The following BCAN variants were observed in gnomAD, a reference collection of about 807,000 sequenced individuals.
The protein encoded by BCAN is brevican, also known as brevican core protein.
BCAN carries 51 observed loss-of-function variants against 92.4 expected under a neutral mutation model. That is an observed-to-expected ratio of 0.55 (90% CI 0.44 to 0.70). BCAN has a LOEUF of 0.70. Among genes scored for constraint, BCAN ranks in the 30% least tolerant of loss-of-function variants. The pLI is 0.00. For synonymous variants in BCAN, 501 were observed against 505.2 expected (o/e 0.99, Z 0.11); for missense variants, 1,140 against 1,212.1 (o/e 0.94, Z 0.88).
At position 156,658,973 on chromosome 1, in the gene BCAN, T is replaced by C; in HGVS notation, c.2629-54T>C. On this transcript the variant is annotated intron_variant, in intron 13 of 13. Transcript: ENST00000329117. This position sits in a 1 kb window ranked among gnomAD's most constrained non-coding sequence, Gnocchi z 4.4. The stretch of plus-strand genomic sequence containing the variant: ...AGCAAGAACATCAGAGGGCAGGCTC[T>C]GAGGAGAGGAGAAGGAAGAGCCAGG... 1.3e-6 allele frequency: 2 copies of C among 1,489,110 alleles called. No homozygotes were observed. The highest frequency in any genetic ancestry group is 1.8e-6 in the Non-Finnish European group (2 of 1,090,738). The allele number at this position is 1,489,110 out of a possible 1,614,324, so 92.2% of individuals were successfully genotyped here. A position where few individuals can be genotyped will look rare whatever the true frequency, so the allele number is the denominator to read the frequency against.
At position 156,659,094 on chromosome 1, in the gene BCAN, C is replaced by A; in HGVS notation, c.2696C>A (p.Ala899Glu). 1 of 1,593,906 alleles carries A rather than the reference C, an allele frequency of 6.3e-7. No individual in the cohort carries two copies. Among genetic ancestry groups the A allele is most frequent in the Non-Finnish European group, 8.5e-7 (1 of 1,171,862 alleles). ...RQGRLLGRWK[A>E]LLIPPSSPMP... is the part of the protein sequence containing the mutation. Reference sequence around the variant, plus strand: ...GGGAGGCTACTGGGACGCTGGAAGGCGCTGTTGATCCCCCCTTCCAGCCCC... The same window carrying A: ...GGGAGGCTACTGGGACGCTGGAAGGAGCTGTTGATCCCCCCTTCCAGCCCC... Residue 899 changes from alanine to glutamate, a missense_variant, in exon 14 of 14, where the codon GCG becomes GAG. Physicochemically the swap from Ala to Glu is moderately radical, Grantham distance 107 (BLOSUM62 -1). This residue lies in a region of BCAN where 825 missense variants were observed against 871.8 expected (regional missense o/e 0.95). Coordinates refer to ENST00000329117, the MANE Select transcript of BCAN (RefSeq NM_021948.5).
intron 9 of BCAN, 136 bp downstream of exon 9, chr1:156,656,525 C>A: frequency 1.6e-6 from 1 of 635,586 alleles, no homozygotes; most frequent in Middle Eastern, 2.7e-4. Flanking sequence ...TGCATAACTT[C>A]TTTGAGTCCT....
chr1:156,648,685 G>A lies in BCAN; in HGVS notation c.887G>A (p.Gly296Asp). 6.2e-7 allele frequency: 1 copy of A among 1,613,740 alleles called. No homozygotes were observed. Among genetic ancestry groups the A allele is most frequent in the Non-Finnish European group, 8.5e-7 (1 of 1,179,668 alleles). The change falls in exon 6 of 14, where the codon GGT becomes GAT. Residue 296 changes from glycine (G) to aspartate (D), a missense_variant. By Grantham distance (94) the Gly-to-Asp change is moderately conservative. This residue lies in a region of BCAN where 825 missense variants were observed against 871.8 expected (regional missense o/e 0.95). Coordinates refer to ENST00000329117, the MANE Select transcript of BCAN (RefSeq NM_021948.5). The stretch of plus-strand genomic sequence containing the variant: ...GGCCAACTGTATGCAGCCTGGGATG[G>A]TGGCCTGGACCACTGCAGCCCAGGG... ...TTGQLYAAWD[G>D]GLDHCSPGWL... is the part of the protein sequence containing the mutation.
chr1:156,656,274 CCT>C lies in BCAN; in HGVS notation c.1943-4_1943-3del. The C allele has an allele frequency of 6.8e-7, 1 of 1,475,222 alleles. No individual in the cohort carries two copies. The highest frequency in any genetic ancestry group is 2.9e-5 in the Admixed American group (1 of 34,364). 91.4% of individuals were successfully genotyped at this position (1,475,222 alleles called of 1,614,324 possible). A position where few individuals can be genotyped will look rare whatever the true frequency, so the allele number is the denominator to read the frequency against. ...GCTCCCCCCGCCTCACTTCTTTCCC[CCT>C]CTCAGGTGACTGTGTCCCCAGCCCC... On this transcript the variant is annotated splice_region_variant and splice_polypyrimidine_tract_variant and intron_variant, in intron 8 of 13. Transcript: ENST00000329117.
At chr1:156,643,514 CT>C (rs1678856759) in intron 1 of BCAN, 1 of 152,164 alleles carries the variant, frequency 6.6e-6, no homozygotes, top group Non-Finnish European at 1.5e-5. Context: ...AGTGCTGGAG[CT>C]CAGTTCCTAT....
At chr1:156,657,190 T>C (rs1305515165) in intron 10 of BCAN, 94 bp downstream of exon 10, 11 of 1,457,604 alleles carry the variant, frequency 7.5e-6, no homozygotes, top group Admixed American at 6.1e-5. Context: ...CATGCACTTA[T>C]TCCTTGGTTT....
chr1:156,651,753 G>A, intron 7 of BCAN, 64 bp downstream of exon 7: 1 of 1,432,634 alleles, frequency 7.0e-7, no homozygotes, highest in Non-Finnish European at 9.5e-7. Flanking sequence ...GAAGAGGCAA[G>A]CCCAGGTTGA....
chr1:156,652,058 T>G (rs931312705), intron 7 of BCAN, among the ~76,000 whole-genome samples, 190 bp from the exon 8 acceptor site: 7 of 152,178 alleles, frequency 4.6e-5, no homozygotes, highest in Non-Finnish European at 8.8e-5. Context: ...CCTTCTCAAG[T>G]GTTGCCTCAA....
Position 156,647,768 on chromosome 1 carries a change from G to C in BCAN, c.641+86G>C. Reference sequence around the variant, plus strand: ...CTGCTGGGTGCTGCCTGCTGTGTCAGGCTGGACATGCAGGGCTTTTTGCCT... The same window carrying C: ...CTGCTGGGTGCTGCCTGCTGTGTCACGCTGGACATGCAGGGCTTTTTGCCT... On this transcript the variant is annotated intron_variant, in intron 4 of 13. Coordinates refer to ENST00000329117, the MANE Select transcript of BCAN (RefSeq NM_021948.5). The surrounding 1 kb of genome is among the most constrained non-coding windows in gnomAD (Gnocchi z 4.8). 1 of 1,556,790 alleles carries C rather than the reference G, an allele frequency of 6.4e-7. No homozygotes were observed. The highest frequency in any genetic ancestry group is 8.8e-7 in the Non-Finnish European group (1 of 1,142,300).
At position 156,652,416 on chromosome 1, in the gene BCAN, C is replaced by T. The variant is rs141542995; in HGVS notation, c.1466C>T (p.Pro489Leu). Residue 489 changes from proline to leucine, a missense_variant, in exon 8 of 14, where the codon CCG becomes CTG. Coordinates refer to ENST00000329117, the MANE Select transcript of BCAN (RefSeq NM_021948.5). ...GCATGGCCCAGCGAGCTCAGCAGCCCGGGCCCTGAGGCCTCTCTCCCCACT... is the reference window on the plus strand; with the variant it reads ...GCATGGCCCAGCGAGCTCAGCAGCCTGGGCCCTGAGGCCTCTCTCCCCACT... ...LWAWPSELSS[P>L]GPEASLPTEP... 145 of 1,605,656 alleles carry T rather than the reference C, an allele frequency of 9.0e-5. No homozygotes were observed. The African/African-American group carries it at 1.7e-3, about 19-fold the overall frequency.
In BCAN at chr1:156,646,810, C is replaced by G. The variant is rs187489227; in HGVS notation, c.101C>G (p.Ala34Gly). 1 of 1,564,752 alleles carries G rather than the reference C, an allele frequency of 6.4e-7. No individual in the cohort carries two copies. Among genetic ancestry groups the G allele is most frequent in the African/African-American group, 1.4e-5 (1 of 73,130 alleles). Residue 34 changes from alanine to glycine, a missense_variant, in exon 3 of 14, where the codon GCT (alanine) becomes GGT (glycine). By Grantham distance (60) the Ala-to-Gly change is moderately conservative. This residue lies in a region of BCAN where 286 missense variants were observed against 284.1 expected (regional missense o/e 1.01). Coordinates refer to ENST00000329117, the MANE Select transcript of BCAN (RefSeq NM_021948.5). ...VLEGDSSEDR[A>G]FRVRIAGDAP... ...CTCCACCCGTTCACAGAGGACCGCGCTTTTCGCGTGCGCATCGCGGGCGAC... is the reference window on the plus strand; with the variant it reads ...CTCCACCCGTTCACAGAGGACCGCGGTTTTCGCGTGCGCATCGCGGGCGAC...
At chr1:156,652,107 G>A in intron 7 of BCAN, 141 bp from the exon 8 acceptor site, 1 of 1,142,666 alleles carries the variant, frequency 8.8e-7, no homozygotes, top group African/African-American at 1.6e-5. Flanking sequence ...TGTGGCGCAA[G>A]GACCACCTGT....
chr1:156,657,235 TCC>T, intron 10 of BCAN, 139 bp downstream of exon 10: 1 of 1,115,910 alleles, frequency 9.0e-7, no homozygotes, highest in South Asian at 1.6e-5. Flanking sequence ...ATTCGTTCAC[TCC>T]CCTTCTCATT....
chr1:156,657,696 G>A lies in BCAN; in HGVS notation c.2231G>A (p.Trp744Ter), dbSNP rs1049470202. ...CTAGACCGGTACCGGGAGTACCAGTGGATCGGACTCAACGACAGGACCATC... is the reference window on the plus strand; with the variant it reads ...CTAGACCGGTACCGGGAGTACCAGTAGATCGGACTCAACGACAGGACCATC... ...FINNRYREYQWIGLNDRTIEG... is the reference protein window; with the variant it reads ...FINNRYREYQ Residue 744 changes from tryptophan to a stop codon, truncating the protein, a stop_gained, in exon 11 of 14, where the codon TGG becomes TAG. Coordinates refer to ENST00000329117, the MANE Select transcript of BCAN (RefSeq NM_021948.5). LOFTEE classifies it high-confidence loss of function. The A allele has an allele frequency of 1.2e-6, 2 of 1,612,026 alleles. No homozygotes were observed. The highest frequency in any genetic ancestry group is 4.5e-5 in the East Asian group (2 of 44,818).
intron 9 of BCAN, 26 bp from the exon 10 acceptor site, chr1:156,656,912 A>G (rs1218838611): frequency 1.4e-5 from 23 of 1,606,400 alleles, no homozygotes; most frequent in Non-Finnish European, 2.0e-5. Context: ...TTGGGGCCCT[A>G]AGATGCCCGC....
chr1:156,656,500 C>T, intron 9 of BCAN, 111 bp downstream of exon 9: 1 of 825,874 alleles, frequency 1.2e-6, no homozygotes, highest in Non-Finnish European at 1.7e-6. Context: ...TAATGAGTCC[C>T]TGTTTTAGGC....
At chr1:156,657,123 G>GC (rs759913970) in intron 10 of BCAN, 27 bp downstream of exon 10, 18 of 1,569,150 alleles carry the variant, frequency 1.1e-5, no homozygotes, top group Non-Finnish European at 1.1e-5. Flanking sequence ...GGCGGGAGGG[G>GC]CCCCTGCCAT....
chr1:156,651,722 G>T, intron 7 of BCAN, 33 bp downstream of exon 7: 1 of 1,557,590 alleles, frequency 6.4e-7, no homozygotes, highest in South Asian at 1.2e-5. Flanking sequence ...AGGATGTCTT[G>T]ATTGAAAGAA....
rs746089100 is a variant in BCAN at position 156,658,586 on chromosome 1, C to T, written c.2481C>T (p.Phe827=). 3.0e-5 allele frequency: 49 copies of T among 1,613,856 alleles called. No homozygotes were observed. The highest frequency in any genetic ancestry group is 3.8e-5 in the Non-Finnish European group (45 of 1,180,030). Residue 827 remains phenylalanine (F), a synonymous_variant, in exon 13 of 14, where the codon TTC becomes TTT. Transcript: ENST00000329117. The surrounding 1 kb of genome is among the most constrained non-coding windows in gnomAD (Gnocchi z 4.4). ...CGGAGCTGCCCCTGGCTCAAGTGTT[C>T]GGCCGCCCACGGCTGCGCTATGAGG... ...PPPELPLAQV[F]GRPRLRYEVD... is the part of the protein sequence containing the mutation.
Sources: gnomAD v4.1 joint callset for allele counts (sites outside exome capture counted in the v4.1 genomes callset) on GRCh38, gnomAD v4.1.1 for gene constraint, gnomAD v4.1.1 regional missense constraint, Gnocchi (gnomAD v3.1) non-coding constraint, MANE v1.5 for transcripts, NCBI Gene and HGNC (gene_info 2026-07-23, HGNC 2026-07-21) for gene names.